The following PTPRT variants were observed in gnomAD, a reference collection of about 807,000 sequenced individuals.
PTPRT encodes protein tyrosine phosphatase receptor type T, also known as receptor-type tyrosine-protein phosphatase T.
In PTPRT, 56 loss-of-function variants were observed where a neutral mutation model predicts 176.8. The observed-to-expected ratio is 0.32, with a 90% confidence interval of 0.26 to 0.40. PTPRT has a LOEUF of 0.40. Ranked by LOEUF, PTPRT falls within the 10% of genes least tolerant of loss-of-function variation. The pLI is 1.00. For synonymous variants in PTPRT, 783 were observed against 739.0 expected (o/e 1.06, Z -0.96); for missense variants, 1,540 against 1,908.2 (o/e 0.81, Z 3.60).
intron 2 of PTPRT, among the ~76,000 whole-genome samples, chr20:42,874,626 G>A (rs1301155667): frequency 1.3e-5 from 2 of 152,076 alleles, no homozygotes; most frequent in Admixed American, 6.5e-5. Flanking sequence ...GGATCCAGAC[G>A]GCCTGAATTC....
rs145881189 is a variant in PTPRT, at chr20:42,995,848, G to A, written c.89-109916C>T. Among the ~76,000 whole-genome samples the A allele has an allele frequency of 4.8e-3, 723 of 151,902 alleles. 8 individuals carry two copies. Among genetic ancestry groups the A allele is most frequent in the African/African-American group, 0.017 (689 of 41,382 alleles). ...TTTATAATTTTTTTTAATAGTCAGC[G>A]TATCACTCTGTTGCCCAGGCTGAAC... On this transcript the variant is annotated intron_variant, in intron 1 of 30. Transcript: ENST00000373187.
chr20:42,754,404 T>C (rs1600701147), intron 6 of PTPRT, among the ~76,000 whole-genome samples: 1 of 150,886 alleles, frequency 6.6e-6, no homozygotes, highest in East Asian at 2.0e-4. Context: ...CAGGCTGGTC[T>C]CAAACTCCTG....
At chr20:42,109,678 T>TTACC (rs950218649) in intron 23 of PTPRT, among the ~76,000 whole-genome samples, 1 of 152,144 alleles carries the variant, frequency 6.6e-6, no homozygotes, top group African/African-American at 2.4e-5. Flanking sequence ...CACTCTGTGT[T>TTACC]TACCTCCTCA....
intron 11 of PTPRT, among the ~76,000 whole-genome samples, chr20:42,336,764 G>C (rs986142558): frequency 5.9e-5 from 9 of 152,094 alleles, no homozygotes; most frequent in Non-Finnish European, 1.2e-4. Context: ...TAAGAATTAC[G>C]CAAAAAGCTG....
chr20:42,742,336 A>G (rs1479527730), intron 6 of PTPRT, among the ~76,000 whole-genome samples: 1 of 152,182 alleles, frequency 6.6e-6, no homozygotes, highest in African/African-American at 2.4e-5. Flanking sequence ...TAACAGACAG[A>G]GCCTCCCTGC....
At chr20:42,636,640 C>G (rs2074607327) in intron 7 of PTPRT, among the ~76,000 whole-genome samples, 1 of 151,900 alleles carries the variant, frequency 6.6e-6, no homozygotes, top group African/African-American at 2.4e-5. Flanking sequence ...CAAAAATTAG[C>G]TGGGCATGGT....
intron 13 of PTPRT, among the ~76,000 whole-genome samples, chr20:42,252,479 A>G (rs2056563708): frequency 1.3e-5 from 2 of 152,130 alleles, no homozygotes; most frequent in Admixed American, 1.3e-4. Context: ...GAGTAGAGGG[A>G]GATAAGCCTG....
chr20:43,130,676 C>A (rs1473772201), intron 1 of PTPRT, among the ~76,000 whole-genome samples: 1 of 151,748 alleles, frequency 6.6e-6, no homozygotes, highest in Non-Finnish European at 1.5e-5. Flanking sequence ...TCTACAGAAT[C>A]CAGAAGAAAA....
intron 9 of PTPRT, among the ~76,000 whole-genome samples, chr20:42,421,029 G>A (rs1363341845): frequency 6.6e-6 from 1 of 152,098 alleles, no homozygotes; most frequent in African/African-American, 2.4e-5. Flanking sequence ...TCACCCAGAG[G>A]TGAATCATAT....
At chr20:42,693,365 T>G (rs969942580) in intron 6 of PTPRT, among the ~76,000 whole-genome samples, 1 of 152,150 alleles carries the variant, frequency 6.6e-6, no homozygotes, top group African/African-American at 2.4e-5. Flanking sequence ...TATTCTGAAG[T>G]TTATATAAAA....
chr20:42,699,037 G>A (rs139429174), intron 6 of PTPRT, among the ~76,000 whole-genome samples: 1 of 152,194 alleles, frequency 6.6e-6, no homozygotes, highest in Non-Finnish European at 1.5e-5. Flanking sequence ...GAAGAGGAGA[G>A]ACGATGGAGA....
intron 12 of PTPRT, among the ~76,000 whole-genome samples, chr20:42,307,634 A>G (rs868228311): frequency 1.3e-5 from 2 of 152,312 alleles, no homozygotes; most frequent in Middle Eastern, 6.8e-3. Flanking sequence ...AATGGGGTAG[A>G]AAGGGCAATA....
At chr20:42,290,250 G>C (rs1370365822) in intron 12 of PTPRT, among the ~76,000 whole-genome samples, 1 of 152,018 alleles carries the variant, frequency 6.6e-6, no homozygotes, top group Non-Finnish European at 1.5e-5. Context: ...TTCTGGGACA[G>C]TACAATATAA....
At chr20:42,825,641 C>T (rs903131171) in intron 2 of PTPRT, among the ~76,000 whole-genome samples, 1 of 152,140 alleles carries the variant, frequency 6.6e-6, no homozygotes, top group African/African-American at 2.4e-5. Context: ...AAAGTAAACA[C>T]ATGCATTAAC....
intron 9 of PTPRT, among the ~76,000 whole-genome samples, chr20:42,388,621 C>A (rs1188991710): frequency 2.6e-5 from 4 of 152,106 alleles, no homozygotes; most frequent in Admixed American, 6.5e-5. Context: ...AAAAGTCAGG[C>A]AACAACAGGT....
rs1227501922 is a variant in PTPRT, at chr20:42,614,711, A to G, written c.1153+63155T>C. On this transcript the variant is annotated intron_variant, in intron 7 of 30. Coordinates refer to ENST00000373187, the MANE Select transcript of PTPRT (RefSeq NM_007050.6). ...ATTATTTCCCTTTACTTGCTGTGTT[A>G]GTTCATTTTCATGCTGCTGATAAGG... 2.0e-5 allele frequency among the ~76,000 whole-genome samples: 3 copies of G among 152,110 alleles called. No homozygotes were observed. The South Asian group carries it at 6.2e-4, about 32-fold the overall frequency.
chr20:42,631,689 G>A (rs2074409445), intron 7 of PTPRT, among the ~76,000 whole-genome samples: 2 of 152,164 alleles, frequency 1.3e-5, no homozygotes, highest in South Asian at 2.1e-4. Context: ...AACATTGGCT[G>A]CCCCAGGAAG....
intron 1 of PTPRT, among the ~76,000 whole-genome samples, chr20:43,008,800 T>C (rs1039805897): frequency 6.6e-6 from 1 of 152,212 alleles, no homozygotes; most frequent in African/African-American, 2.4e-5. Context: ...TACAGGCTCC[T>C]AGTGAGCCCA....
chr20:43,158,246 C>T (rs927563877), intron 1 of PTPRT, among the ~76,000 whole-genome samples: 1 of 152,092 alleles, frequency 6.6e-6, no homozygotes, highest in African/African-American at 2.4e-5. Flanking sequence ...GCAACTTGGC[C>T]AGGGCAAGTG....
Sources: allele counts gnomAD v4.1 joint callset (sites outside exome capture counted in the v4.1 genomes callset), GRCh38; gene constraint gnomAD v4.1.1; transcripts MANE v1.5; gene names NCBI Gene and HGNC (gene_info 2026-07-23, HGNC 2026-07-21).